TLR6: variants seen among roughly 807,000 people sequenced by gnomAD.
The protein encoded by TLR6 is toll-like receptor 6.
TLR6 carries 9 observed loss-of-function variants against 16.1 expected under a neutral mutation model. The ratio of observed to expected loss-of-function variants is 0.56; its 90% CI spans 0.34 to 0.98. The LOEUF (loss-of-function observed/expected upper bound fraction) is 0.98. Ranked by LOEUF, TLR6 falls within the 50% of genes least tolerant of loss-of-function variation. The pLI is 0.02. For missense variants in TLR6, 786 were observed against 921.0 expected (o/e 0.85, Z 1.90); for synonymous variants, 340 against 338.6 (o/e 1.00, Z -0.04).
chr4:38,841,765 C>G (rs1354620372), intron 1 of TLR6, among the ~76,000 whole-genome samples: 2 of 152,138 alleles, frequency 1.3e-5, no homozygotes, highest in East Asian at 1.9e-4. Flanking sequence ...GTGTGGATGG[C>G]AGCAGTTACG....
upstream of TLR6, among the ~76,000 whole-genome samples, chr4:38,858,523 C>T (rs898562115): frequency 2.1e-4 from 32 of 151,996 alleles, no homozygotes; most frequent in African/African-American, 7.2e-4. Flanking sequence ...AGTTCGAGAC[C>T]GGCTTGGCTA....
exon 2 of TLR6, chr4:38,826,866 G>T: frequency 2.3e-6 from 1 of 429,122 alleles, no homozygotes. Flanking sequence ...GTTTCAATTT[G>T]AAACATAATG....
Position 38,851,239 on chromosome 4 carries a change from TA to T in TLR6, c.-65+5521del, listed in dbSNP as rs201557286. ...ATTGATGGGACGTATCTCAAAATAA[TA>T]AGAGCTATTTATGACAAACCCACAG... is the stretch of plus-strand genomic sequence containing the variant. On this transcript the variant is annotated intron_variant, in intron 1 of 1. Coordinates refer to ENST00000436693, the Ensembl canonical transcript of TLR6. Among the ~76,000 whole-genome samples the T allele has an allele frequency of 2.8e-3, 420 of 152,214 alleles. 8 individuals are homozygous for T. In the East Asian group the frequency reaches 0.051, roughly 18 times the overall value.
At chr4:38,828,316 C>A (rs1474628787) in exon 2 of TLR6, 1 of 1,613,448 alleles carries the variant, frequency 6.2e-7, no homozygotes, top group Non-Finnish European at 8.5e-7. Flanking sequence ...TTAATCCATT[C>A]TTTTGTAAGA....
At chr4:38,827,717 A>G (rs1390463563) in exon 2 of TLR6, 3 of 1,614,140 alleles carry the variant, frequency 1.9e-6, no homozygotes. Context: ...GACGATCAGC[A>G]GAGTTATGTT....
At chr4:38,858,758 G>GGGA (rs1713093685), upstream of TLR6, among the ~76,000 whole-genome samples, 1 of 52,764 alleles carries the variant, frequency 1.9e-5, no homozygotes, top group East Asian at 4.5e-4. Flanking sequence ...AGAGAGAGAG[G>GGGA]GAGAGAGAGA....
intron 1 of TLR6, among the ~76,000 whole-genome samples, chr4:38,852,151 T>C (rs1032980254): frequency 2.0e-5 from 3 of 152,170 alleles, no homozygotes; most frequent in Admixed American, 6.5e-5. Context: ...ATTTAATAAA[T>C]GGTGCTGGGA....
intron 1 of TLR6, among the ~76,000 whole-genome samples, chr4:38,844,833 C>T (rs1712448074): frequency 6.6e-6 from 1 of 152,092 alleles, no homozygotes; most frequent in Non-Finnish European, 1.5e-5. Flanking sequence ...GTGGGTGGAT[C>T]TCCTGAGGTA....
exon 2 of TLR6, chr4:38,824,157 CAG>C (rs1727440424): frequency 6.7e-6 from 1 of 149,558 alleles, no homozygotes; most frequent in Non-Finnish European, 1.5e-5. Flanking sequence ...GGGACCGTTT[CAG>C]AGTCATTTGC....
At chr4:38,827,034 C>T in exon 2 of TLR6, 1 of 1,393,270 alleles carries the variant, frequency 7.2e-7, no homozygotes, top group Non-Finnish European at 9.6e-7. Context: ...TACTATTCAC[C>T]ATCATCCAAG....
chr4:38,868,058 AGT>A, the TLR6 span: 459 of 408,790 alleles, frequency 1.1e-3, no homozygotes, highest in East Asian at 1.5e-3. Flanking sequence ...CGGGCGTGTG[AGT>A]GTGTGTGTGT....
chr4:38,867,689 C>T, the TLR6 span: 1 of 151,314 alleles, frequency 6.6e-6, no homozygotes, highest in Non-Finnish European at 1.5e-5. Context: ...CCGGGCGTCC[C>T]CGCGGCGCTC....
the TLR6 span, among the ~76,000 whole-genome samples, chr4:38,865,046 T>C: frequency 2.0e-5 from 3 of 152,104 alleles, no homozygotes; most frequent in Admixed American, 6.5e-5. Context: ...GGGAGGGATA[T>C]ACAACCACCT....
chr4:38,831,204 C>T (rs574801941), intron 1 of TLR6, among the ~76,000 whole-genome samples: 4 of 151,884 alleles, frequency 2.6e-5, no homozygotes, highest in African/African-American at 9.7e-5. Flanking sequence ...AAATAATCAA[C>T]TGCTGTTTGA....
chr4:38,868,036 C>G, the TLR6 span: 4 of 426,340 alleles, frequency 9.4e-6, no homozygotes, highest in Non-Finnish European at 1.9e-5. Context: ...GGCCGAGGGA[C>G]CTGCGTGGGT....
intron 1 of TLR6, among the ~76,000 whole-genome samples, chr4:38,830,948 T>C (rs114725857): frequency 4.6e-5 from 7 of 151,966 alleles, no homozygotes; most frequent in Admixed American, 3.9e-4. Context: ...ATTGTGTAAC[T>C]TGGCATTAAA....
At chr4:38,867,624 C>G in the TLR6 span, 1 of 151,998 alleles carries the variant, frequency 6.6e-6, no homozygotes, top group Non-Finnish European at 1.5e-5. Context: ...TGGGACAAGC[C>G]AAGTTTCCAG....
chr4:38,839,015 GAGAA>G (rs1466042991), intron 1 of TLR6, among the ~76,000 whole-genome samples: 2 of 141,238 alleles, frequency 1.4e-5, no homozygotes, highest in South Asian at 2.4e-4. Context: ...GAAGGAGAGA[GAGAA>G]AGAAAGTTAA....
chr4:38,828,972 G>C, exon 2 of TLR6: 1 of 1,613,644 alleles, frequency 6.2e-7, no homozygotes. Flanking sequence ...AGATGCAAGT[G>C]AGCAATTGGC....
Sources: gnomAD v4.1 joint callset for allele counts (sites outside exome capture counted in the v4.1 genomes callset) on GRCh38, gnomAD v4.1.1 for gene constraint, MANE v1.5 for transcripts, NCBI Gene and HGNC (gene_info 2026-07-23, HGNC 2026-07-21) for gene names.